Variants in VPS26A observed in about 807,000 individuals in gnomAD.
VPS26A encodes vacuolar protein sorting-associated protein 26A.
VPS26A carries 22 observed loss-of-function variants against 42.4 expected under a neutral mutation model. That is an observed-to-expected ratio of 0.52 (90% CI 0.37 to 0.74). The LOEUF is 0.74. VPS26A is among the 30% of genes least tolerant of loss of function. The pLI is 0.00. For missense variants in VPS26A, 276 were observed against 379.2 expected (o/e 0.73, Z 2.26); for synonymous variants, 110 against 123.5 (o/e 0.89, Z 0.73).
At chr10:69,137,883 TCGCC>T (rs1840954285) in intron 2 of VPS26A, among the ~76,000 whole-genome samples, 1 of 143,692 alleles carries the variant, frequency 7.0e-6, no homozygotes, top group African/African-American at 2.9e-5. Context: ...ATATATATAT[TCGCC>T]ATAAAAATTC....
rs531340970 is a variant in VPS26A, at chr10:69,133,013, A to G, written c.119A>G (p.Tyr40Cys). ...KTEDGKVEKH[Y>C]LFYDGESVSG... ...GAAGATGGCAAAGTAGAAAAACACTATCTCTTCTATGACGGAGAATCCGTT... is the reference window on the plus strand; with the variant it reads ...GAAGATGGCAAAGTAGAAAAACACTGTCTCTTCTATGACGGAGAATCCGTT... The change falls in exon 2 of 9, where the codon TAT becomes TGT. Residue 40 changes from tyrosine (Y) to cysteine (C), a missense_variant. Transcript: ENST00000263559. 5 of 1,611,030 alleles carry G rather than the reference A, an allele frequency of 3.1e-6. No homozygotes were observed. Among genetic ancestry groups the G allele is most frequent in the East Asian group, 2.2e-5 (1 of 44,776 alleles).
intron 2 of VPS26A, among the ~76,000 whole-genome samples, chr10:69,133,273 A>G (rs968610696): frequency 1.3e-5 from 2 of 152,216 alleles, no homozygotes; most frequent in African/African-American, 4.8e-5. Context: ...ATTTCATGCA[A>G]AATTTTCTGT....
At chr10:69,133,494 T>A (rs1374861887) in intron 2 of VPS26A, 1 of 1,159,882 alleles carries the variant, frequency 8.6e-7, no homozygotes, top group Admixed American at 2.8e-5. Context: ...CTTACCTCTC[T>A]GTACTGCTAC....
chr10:69,129,552 AT>A (rs57072696), intron 1 of VPS26A, among the ~76,000 whole-genome samples: 80 of 147,006 alleles, frequency 5.4e-4, no homozygotes, highest in Non-Finnish European at 5.0e-4. Context: ...AGAAAAAAAA[AT>A]TTTTTTTTTT....
chr10:69,144,518 T>C (rs910863998), intron 2 of VPS26A, among the ~76,000 whole-genome samples: 1 of 152,242 alleles, frequency 6.6e-6, no homozygotes, highest in Non-Finnish European at 1.5e-5. Flanking sequence ...GTCATGTAGT[T>C]GGAATCATAT....
At chr10:69,125,519 T>G (rs1457386427) in intron 1 of VPS26A, among the ~76,000 whole-genome samples, 1 of 152,182 alleles carries the variant, frequency 6.6e-6, no homozygotes, top group Non-Finnish European at 1.5e-5. Context: ...CCTTGCCTAG[T>G]CAGTGTTAGG....
intron 2 of VPS26A, among the ~76,000 whole-genome samples, chr10:69,144,482 G>C (rs932098104): frequency 6.6e-6 from 1 of 152,094 alleles, no homozygotes; most frequent in African/African-American, 2.4e-5. Context: ...TCTTTTTACT[G>C]TCTATAATTT....
At chr10:69,138,378 A>G (rs1840967451) in intron 2 of VPS26A, among the ~76,000 whole-genome samples, 1 of 152,148 alleles carries the variant, frequency 6.6e-6, no homozygotes, top group Non-Finnish European at 1.5e-5. Context: ...TCTCTTGAGC[A>G]TGTACCTGGG....
intron 1 of VPS26A, among the ~76,000 whole-genome samples, chr10:69,127,019 C>T (rs1172413138): frequency 1.3e-5 from 2 of 149,418 alleles, no homozygotes; most frequent in African/African-American, 4.9e-5. Context: ...AGTGCAGTGG[C>T]GCGATCTTGG....
intron 2 of VPS26A, among the ~76,000 whole-genome samples, chr10:69,147,426 A>AT (rs200380238): frequency 2.6e-4 from 39 of 150,658 alleles, no homozygotes; most frequent in Non-Finnish European, 4.9e-4. Context: ...CAATTTATCA[A>AT]TTTTTTTTTC....
chr10:69,159,391 A>C (rs544200498), intron 5 of VPS26A, among the ~76,000 whole-genome samples: 3 of 151,762 alleles, frequency 2.0e-5, no homozygotes, highest in Admixed American at 2.0e-4. Flanking sequence ...AAAAAAAAAA[A>C]CAAAAAAAAA....
At chr10:69,162,919 AGAGT>A (rs1376656026) in intron 6 of VPS26A, among the ~76,000 whole-genome samples, 1 of 152,172 alleles carries the variant, frequency 6.6e-6, no homozygotes, top group Non-Finnish European at 1.5e-5. Context: ...CTTGGACAAC[AGAGT>A]GAGACCATTC....
chr10:69,128,422 G>A lies in VPS26A; in HGVS notation c.3+4142G>A, dbSNP rs112592994. 5.3e-5 allele frequency among the ~76,000 whole-genome samples: 8 copies of A among 151,638 alleles called. 1 individual carries two copies. Among genetic ancestry groups the A allele is most frequent in the African/African-American group, 1.7e-4 (7 of 41,332 alleles). On this transcript the variant is annotated intron_variant, in intron 1 of 8. Transcript: ENST00000263559. Reference sequence around the variant, plus strand: ...AATTTGTTCTGTTTTTGTAGAGATGGGGTTTCACCGTGTTAGTCAGGATGG... The same window carrying A: ...AATTTGTTCTGTTTTTGTAGAGATGAGGTTTCACCGTGTTAGTCAGGATGG...
intron 2 of VPS26A, among the ~76,000 whole-genome samples, chr10:69,135,903 C>CT (rs1209151849): frequency 2.6e-5 from 4 of 152,192 alleles, no homozygotes; most frequent in African/African-American, 9.7e-5. Flanking sequence ...CTCCATCACA[C>CT]TCCCATCCCC....
intron 1 of VPS26A, among the ~76,000 whole-genome samples, chr10:69,130,197 T>C (rs1453983249): frequency 1.3e-5 from 2 of 152,258 alleles, no homozygotes; most frequent in East Asian, 3.8e-4. Flanking sequence ...CAATAGGTAT[T>C]TTAATGCCTT....
intron 1 of VPS26A, among the ~76,000 whole-genome samples, chr10:69,132,258 G>T (rs1840796562): frequency 6.6e-6 from 1 of 151,980 alleles, no homozygotes; most frequent in Admixed American, 6.6e-5. Context: ...TAACTTCTTA[G>T]ATTTCTGACA....
At chr10:69,132,441 TTTTC>T (rs1477648408) in intron 1 of VPS26A, among the ~76,000 whole-genome samples, 13 of 151,506 alleles carry the variant, frequency 8.6e-5, no homozygotes, top group African/African-American at 2.7e-4. Context: ...GTTTTTTTTT[TTTTC>T]TTTCTTTCTT....
rs777425474 is a variant in VPS26A at position 69,162,510 on chromosome 10, T to C, written c.656T>C (p.Ile219Thr). Residue 219 changes from isoleucine to threonine, a missense_variant and splice_region_variant, in exon 6 of 9, where the codon ATT (isoleucine) becomes ACT (threonine). Coordinates refer to ENST00000263559, the MANE Select transcript of VPS26A (RefSeq NM_004896.5). ...CTGATCAAAAAAGAGATCACAGGAA[T>C]TGGTAAGTTGAAAAGAGTATGTAAA... Reference protein sequence around the residue: ...LQLIKKEITGIGPSTTTETET... With the variant: ...LQLIKKEITGTGPSTTTETET... 2.6e-6 allele frequency: 4 copies of C among 1,531,832 alleles called. No homozygotes were observed. Among genetic ancestry groups the C allele is most frequent in the East Asian group, 2.3e-5 (1 of 43,884 alleles). 94.9% of individuals were successfully genotyped at this position (1,531,832 alleles called of 1,614,324 possible).
chr10:69,131,764 A>G (rs1302238268), intron 1 of VPS26A, among the ~76,000 whole-genome samples: 2 of 152,198 alleles, frequency 1.3e-5, no homozygotes, highest in Non-Finnish European at 2.9e-5. Context: ...GTTATGTAGG[A>G]CAGAATATGA....
Sources: allele counts gnomAD v4.1 joint callset (sites outside exome capture counted in the v4.1 genomes callset), GRCh38; gene constraint gnomAD v4.1.1; transcripts MANE v1.5; gene names NCBI Gene and HGNC (gene_info 2026-07-23, HGNC 2026-07-21).